PLCH1: variants seen among roughly 807,000 people sequenced by gnomAD.
PLCH1 encodes the protein 1-phosphatidylinositol 4,5-bisphosphate phosphodiesterase eta-1.
In PLCH1, 60 loss-of-function variants were observed where a neutral mutation model predicts 126.7. The ratio of observed to expected loss-of-function variants is 0.47; its 90% CI spans 0.38 to 0.59. The LOEUF (loss-of-function observed/expected upper bound fraction) is 0.59, where lower values mean the gene tolerates loss of function less well. PLCH1 is among the 20% of genes least tolerant of loss of function. The pLI is 0.00. For synonymous variants in PLCH1, 719 were observed against 734.9 expected, an observed-to-expected ratio of 0.98 and a Z score of 0.35; for missense variants, 1,723 against 2,040.0, an observed-to-expected ratio of 0.84 and a Z score of 2.99.
At chr3:155,617,535 C>T (rs1038092445) in intron 2 of PLCH1, among the ~76,000 whole-genome samples, 1 of 152,144 alleles carries the variant, frequency 6.6e-6, no homozygotes, top group Non-Finnish European at 1.5e-5. Flanking sequence ...AAGTATACTC[C>T]TGTGAGCAAA....
At chr3:155,485,010 C>A (rs1714814414) in intron 22 of PLCH1, among the ~76,000 whole-genome samples, 1 of 152,178 alleles carries the variant, frequency 6.6e-6, no homozygotes, top group African/African-American at 2.4e-5. Context: ...CAACTATATT[C>A]ACCCTCAAAA....
chr3:155,591,623 TTTA>T (rs1002094698), intron 4 of PLCH1, among the ~76,000 whole-genome samples: 3 of 152,134 alleles, frequency 2.0e-5, no homozygotes, highest in East Asian at 3.9e-4. Context: ...TGCAACAGAG[TTTA>T]TTATTATTAT....
chr3:155,500,657 A>G (rs759886497), intron 14 of PLCH1, 46 bp downstream of exon 14: 1 of 1,108,130 alleles, frequency 9.0e-7, no homozygotes, highest in Non-Finnish European at 1.4e-6. Context: ...ACAAGGATGG[A>G]GGGGCCTCAG....
intron 2 of PLCH1, among the ~76,000 whole-genome samples, chr3:155,629,732 G>A (rs973334692): frequency 6.6e-6 from 1 of 152,086 alleles, no homozygotes; most frequent in Non-Finnish European, 1.5e-5. Flanking sequence ...ACCTCCCACT[G>A]GGAGCGTAAT....
At chr3:155,466,883 G>A (rs947188401) in intron 21 of PLCH1, among the ~76,000 whole-genome samples, 1 of 152,028 alleles carries the variant, frequency 6.6e-6, no homozygotes, top group Non-Finnish European at 1.5e-5. Flanking sequence ...CTTTAATTGT[G>A]GACTTGATCA....
chr3:155,471,333 C>T (rs1161746970), intron 21 of PLCH1, among the ~76,000 whole-genome samples: 9 of 152,074 alleles, frequency 5.9e-5, no homozygotes, highest in African/African-American at 2.2e-4. Context: ...ACCAAGAAGG[C>T]CATTACATAA....
rs1052389627 is a variant in PLCH1 at position 155,492,639 on chromosome 3, T to C, written c.2307+90A>G. The C allele has an allele frequency of 1.5e-5, 18 of 1,232,302 alleles. No homozygotes were observed. In the Admixed American group the frequency reaches 2.8e-4, roughly 19 times the overall value. The allele number at this position is 1,232,302 out of a possible 1,614,324, so 76.3% of individuals were successfully genotyped here. A position where few individuals can be genotyped will look rare whatever the true frequency, so the allele number is the denominator to read the frequency against. On this transcript the variant is annotated intron_variant, in intron 18 of 22. Coordinates refer to ENST00000460012, the MANE Select transcript of PLCH1 (RefSeq NM_014996.4). ...GTCAGTGCTCAGTTATGAACACACA[T>C]ACATCTCTGAAGACATTTCGGATAA... is the stretch of plus-strand genomic sequence containing the variant.
At chr3:155,554,328 C>T in intron 8 of PLCH1, 132 bp from the exon 9 acceptor site, 1 of 790,026 alleles carries the variant, frequency 1.3e-6, no homozygotes, top group Non-Finnish European at 2.0e-6. Context: ...AGACGTGACA[C>T]AGACACAGAA....
chr3:155,496,479 TTC>T (rs1296624266), intron 15 of PLCH1, among the ~76,000 whole-genome samples: 1 of 152,062 alleles, frequency 6.6e-6, no homozygotes. Flanking sequence ...GAAGAAATCT[TTC>T]TGCAAATAGA....
intron 22 of PLCH1, among the ~76,000 whole-genome samples, chr3:155,483,617 T>C (rs1714537574): frequency 6.6e-6 from 1 of 152,230 alleles, no homozygotes; most frequent in Non-Finnish European, 1.5e-5. Flanking sequence ...AAAATATCAA[T>C]ATCTGTTGAG....
intron 6 of PLCH1, among the ~76,000 whole-genome samples, chr3:155,582,041 C>T (rs1275525290): frequency 6.7e-6 from 1 of 148,178 alleles, no homozygotes; most frequent in Non-Finnish European, 1.5e-5. Context: ...AGCCACCGTG[C>T]CCAGCCCTTT....
At chr3:155,598,891 C>T (rs1733345220) in intron 2 of PLCH1, among the ~76,000 whole-genome samples, 1 of 152,002 alleles carries the variant, frequency 6.6e-6, no homozygotes, top group Non-Finnish European at 1.5e-5. Flanking sequence ...AAGACCTAAC[C>T]CTCAGTGTGA....
At chr3:155,644,136 A>G (rs1484498063) in intron 2 of PLCH1, among the ~76,000 whole-genome samples, 2 of 152,226 alleles carry the variant, frequency 1.3e-5, no homozygotes, top group African/African-American at 4.8e-5. Context: ...TGTAGTGCAG[A>G]AAAGGAAAAA....
At chr3:155,522,311 AT>A (rs1421667652) in intron 11 of PLCH1, among the ~76,000 whole-genome samples, 1 of 152,242 alleles carries the variant, frequency 6.6e-6, no homozygotes, top group Non-Finnish European at 1.5e-5. Flanking sequence ...ACTATTTAAA[AT>A]ATTAACTGTA....
At chr3:155,498,675 G>C (rs1717433790) in intron 14 of PLCH1, among the ~76,000 whole-genome samples, 1 of 152,180 alleles carries the variant, frequency 6.6e-6, no homozygotes, top group African/African-American at 2.4e-5. Flanking sequence ...TTATTGGAGA[G>C]ATGTAATTAC....
intron 2 of PLCH1, among the ~76,000 whole-genome samples, chr3:155,678,144 A>G (rs1195417074): frequency 2.0e-5 from 3 of 152,220 alleles, no homozygotes; most frequent in Non-Finnish European, 4.4e-5. Flanking sequence ...GGAAGGGGAC[A>G]AACTTTTTAT....
chr3:155,619,381 C>T (rs1736178073), intron 2 of PLCH1, among the ~76,000 whole-genome samples: 1 of 151,720 alleles, frequency 6.6e-6, no homozygotes, highest in African/African-American at 2.4e-5. Context: ...AAGGGAGTGC[C>T]TATTCCATAC....
chr3:155,740,617 G>A (rs981730161), intron 1 of PLCH1, among the ~76,000 whole-genome samples: 3 of 151,522 alleles, frequency 2.0e-5, no homozygotes, highest in East Asian at 1.9e-4. Context: ...TTGAGAGGCC[G>A]AGGAGGGAGG....
rs1216460281 is a variant in PLCH1, at chr3:155,698,191, A to G, written c.79+5955T>C. ...GCATTCACTGAAGCATATATGCTACACTAAGTTGAGAATGCTCAATAAACC... is the reference window on the plus strand; with the variant it reads ...GCATTCACTGAAGCATATATGCTACGCTAAGTTGAGAATGCTCAATAAACC... On this transcript the variant is annotated intron_variant, in intron 2 of 22. Transcript: ENST00000460012. Among the ~76,000 whole-genome samples, 3 of 152,244 alleles carry G rather than the reference A, an allele frequency of 2.0e-5. No individual in the cohort carries two copies. In the East Asian group the frequency reaches 5.8e-4, roughly 29 times the overall value.
Sources: gnomAD v4.1 joint callset for allele counts (sites outside exome capture counted in the v4.1 genomes callset) on GRCh38, gnomAD v4.1.1 for gene constraint, MANE v1.5 for transcripts, NCBI Gene and HGNC (gene_info 2026-07-23, HGNC 2026-07-21) for gene names.